GRIA4: variants seen among roughly 807,000 people sequenced by gnomAD.
GRIA4 encodes the protein glutamate receptor 4.
Under a neutral mutation model 104.0 loss-of-function variants are expected in GRIA4, and 34 were observed. The observed-to-expected ratio is 0.33, with a 90% CI of 0.25 to 0.44. The LOEUF (loss-of-function observed/expected upper bound fraction) is 0.44, where lower values mean the gene tolerates loss of function less well. Ranked by LOEUF, GRIA4 falls within the 20% of genes least tolerant of loss-of-function variation. The pLI, the probability that GRIA4 is intolerant of heterozygous loss-of-function variation, is 1.00. For synonymous variants in GRIA4, 386 were observed against 381.9 expected, an observed-to-expected ratio of 1.01 and a Z score of -0.13; for missense variants, 750 against 1,096.5, an observed-to-expected ratio of 0.68 and a Z score of 4.46.
Position 105,638,531 on chromosome 11 carries a change from G to T in GRIA4, c.247+26097G>T, listed in dbSNP as rs540857695. On this transcript the variant is annotated intron_variant, in intron 3 of 16. Coordinates refer to ENST00000282499, the MANE Select transcript of GRIA4 (RefSeq NM_000829.4). ...ATCTGGAATCTGTGCCTTACGAGGT[G>T]CGCGTGTATGTGTGTGTGTGTGTGT... Among the ~76,000 whole-genome samples the T allele has an allele frequency of 1.8e-3, 198 of 112,698 alleles. No homozygotes were observed. The Middle Eastern group carries it at 0.019, about 11-fold the overall frequency. 73.9% of individuals were successfully genotyped at this position (112,698 alleles called of 152,430 possible).
chr11:105,872,118 A>G (rs1945639000), intron 5 of GRIA4, among the ~76,000 whole-genome samples: 3 of 152,080 alleles, frequency 2.0e-5, no homozygotes, highest in Admixed American at 1.3e-4. Context: ...AGCATATTGA[A>G]GTCTCTAAAA....
intron 4 of GRIA4, among the ~76,000 whole-genome samples, chr11:105,841,792 G>A (rs747467171): frequency 2.0e-5 from 3 of 151,998 alleles, no homozygotes; most frequent in Non-Finnish European, 2.9e-5. Context: ...ACTCCAGTTC[G>A]GATATGCAGT....
At chr11:105,623,053 G>GTATATATATATATATATATA (rs58596312) in intron 3 of GRIA4, among the ~76,000 whole-genome samples, 2 of 127,688 alleles carry the variant, frequency 1.6e-5, no homozygotes, top group African/African-American at 2.9e-5. Context: ...GTATTCCATT[G>GTATATATATATATATATATA]TATATATATA....
At chr11:105,962,131 T>A (rs1298978249) in intron 14 of GRIA4, among the ~76,000 whole-genome samples, 4 of 152,192 alleles carry the variant, frequency 2.6e-5, no homozygotes, top group Admixed American at 2.6e-4. Flanking sequence ...TTTTATCAGA[T>A]ATACACTTTA....
At chr11:105,923,675 A>G (rs142228537) in intron 11 of GRIA4, among the ~76,000 whole-genome samples, 1 of 152,172 alleles carries the variant, frequency 6.6e-6, no homozygotes, top group Admixed American at 6.6e-5. Context: ...AAATGACAGA[A>G]CTCTGAAAAT....
chr11:105,698,978 C>T (rs1428199902), intron 3 of GRIA4, among the ~76,000 whole-genome samples: 1 of 152,164 alleles, frequency 6.6e-6, no homozygotes, highest in Non-Finnish European at 1.5e-5. Flanking sequence ...CTGAATATGC[C>T]ATGTCAGTCT....
chr11:105,784,136 C>T (rs369952982), intron 4 of GRIA4, among the ~76,000 whole-genome samples: 23 of 152,196 alleles, frequency 1.5e-4, no homozygotes, highest in Middle Eastern at 3.4e-3. Context: ...ATAAAACCCA[C>T]CTGTGAAAAA....
At chr11:105,968,026 T>C (rs577480822) in intron 14 of GRIA4, among the ~76,000 whole-genome samples, 22 of 152,288 alleles carry the variant, frequency 1.4e-4, no homozygotes, top group Middle Eastern at 6.8e-3. Flanking sequence ...CTAAAGCCTT[T>C]GTGTGTAAAA....
chr11:105,614,217 T>C (rs1393774808), intron 3 of GRIA4: 1 of 151,642 alleles, frequency 6.6e-6, no homozygotes, highest in African/African-American at 2.4e-5. Context: ...AAAGATTTCC[T>C]TACAAGTGGC....
chr11:105,628,455 C>T (rs544106177), intron 3 of GRIA4, among the ~76,000 whole-genome samples: 63 of 152,158 alleles, frequency 4.1e-4, no homozygotes, highest in African/African-American at 1.4e-3. Context: ...GAGACCCGGA[C>T]GTTGGAGTTG....
intron 3 of GRIA4, among the ~76,000 whole-genome samples, chr11:105,720,691 T>C (rs7926520): frequency 0.51 from 77,820 of 151,930 alleles, 20,239 homozygotes; most frequent in Admixed American, 0.6. Flanking sequence ...CACGTCTTGC[T>C]TCCTTCATTG....
At chr11:105,912,680 C>T in intron 10 of GRIA4, 1 of 863,410 alleles carries the variant, frequency 1.2e-6, no homozygotes, top group Non-Finnish European at 1.4e-6. Flanking sequence ...TAAATAATAC[C>T]TCTGATATTT....
In GRIA4 at chr11:105,668,764, T is replaced by C. The variant is rs375137043; in HGVS notation, c.247+56330T>C. Among the ~76,000 whole-genome samples, 3 of 151,498 alleles carry C rather than the reference T, an allele frequency of 2.0e-5. No homozygotes were observed. In the East Asian group the frequency reaches 5.8e-4, roughly 29 times the overall value. ...GCAAATAGTTTCTCCCTCCCATCAT[T>C]TGCCTTTTCACTCTACTGATTTCTT... On this transcript the variant is annotated intron_variant, in intron 3 of 16. Coordinates refer to ENST00000282499, the MANE Select transcript of GRIA4 (RefSeq NM_000829.4).
chr11:105,903,858 A>T lies in GRIA4; in HGVS notation c.930A>T (p.Glu310Asp). The T allele has an allele frequency of 1.9e-6, 3 of 1,612,424 alleles. No homozygotes were observed. The highest frequency in any genetic ancestry group is 2.5e-6 in the Non-Finnish European group (3 of 1,178,452). Residue 310 changes from glutamate (E) to aspartate (D), a missense_variant, in exon 8 of 17, where the codon GAA becomes GAT. Physicochemically the swap from Glu to Asp is conservative, Grantham distance 45 (BLOSUM62 2). Coordinates refer to ENST00000282499, the MANE Select transcript of GRIA4 (RefSeq NM_000829.4). ...ATGATGGAGTCCTTGTGATGGCTGAAACTTTCCGAAGTCTTAGGAGGCAGA... is the reference window on the plus strand; with the variant it reads ...ATGATGGAGTCCTTGTGATGGCTGATACTTTCCGAAGTCTTAGGAGGCAGA... ...LTYDGVLVMA[E>D]TFRSLRRQKI... is the part of the protein sequence containing the mutation.
intron 3 of GRIA4, among the ~76,000 whole-genome samples, chr11:105,752,591 A>C (rs1255590071): frequency 1.3e-5 from 2 of 152,214 alleles, no homozygotes; most frequent in Non-Finnish European, 2.9e-5. Context: ...TCAAGCGTAT[A>C]TAATTGTATG....
chr11:105,946,307 G>A (rs920440921), intron 14 of GRIA4, among the ~76,000 whole-genome samples: 2 of 152,166 alleles, frequency 1.3e-5, no homozygotes, highest in African/African-American at 4.8e-5. Context: ...TAAAGGGGCG[G>A]TGCAGTGGCT....
At chr11:105,916,473 C>T (rs1411887246) in intron 10 of GRIA4, among the ~76,000 whole-genome samples, 1 of 152,094 alleles carries the variant, frequency 6.6e-6, no homozygotes, top group African/African-American at 2.4e-5. Context: ...TACTCCTTTG[C>T]CATTATTACA....
chr11:105,780,576 A>C (rs73540349), intron 4 of GRIA4, among the ~76,000 whole-genome samples: 1,666 of 152,260 alleles, frequency 0.011, 42 homozygotes, highest in African/African-American at 0.037. Flanking sequence ...ACTAAAACTA[A>C]ATATTCCAAG....
chr11:105,641,751 G>A (rs1449381776), intron 3 of GRIA4, among the ~76,000 whole-genome samples: 1 of 152,096 alleles, frequency 6.6e-6, no homozygotes, highest in Non-Finnish European at 1.5e-5. Context: ...TGTGTTACTA[G>A]GCCCAAAGCA....
Sources: allele counts gnomAD v4.1 joint callset (sites outside exome capture counted in the v4.1 genomes callset), GRCh38; gene constraint gnomAD v4.1.1; transcripts MANE v1.5; gene names NCBI Gene and HGNC (gene_info 2026-07-23, HGNC 2026-07-21).